TTC7B: variants seen among roughly 807,000 people sequenced by gnomAD.
TTC7B encodes tetratricopeptide repeat protein 7B.
TTC7B carries 28 observed loss-of-function variants against 106.8 expected under a neutral mutation model. The ratio of observed to expected loss-of-function variants is 0.26; its 90% CI spans 0.19 to 0.36. TTC7B has a LOEUF of 0.36. TTC7B is among the 10% of genes least tolerant of loss of function. TTC7B has a pLI of 1.00. For missense variants in TTC7B, 862 were observed against 1,076.4 expected (o/e 0.80, Z 2.79); for synonymous variants, 405 against 430.6 (o/e 0.94, Z 0.74).
At chr14:90,664,423 C>T (rs571011954) in intron 9 of TTC7B, among the ~76,000 whole-genome samples, 1 of 152,092 alleles carries the variant, frequency 6.6e-6, no homozygotes, top group South Asian at 2.1e-4. Context: ...GTGCCCGCCA[C>T]CAGGCCCAGC....
At chr14:90,791,711 G>T (rs931198449) in intron 1 of TTC7B, among the ~76,000 whole-genome samples, 4 of 152,076 alleles carry the variant, frequency 2.6e-5, no homozygotes, top group African/African-American at 9.7e-5. Context: ...GACCTTGGCA[G>T]TGCTGATGGA....
intron 5 of TTC7B, among the ~76,000 whole-genome samples, chr14:90,709,384 T>A (rs796855573): frequency 7.3e-5 from 11 of 150,506 alleles, no homozygotes; most frequent in Admixed American, 1.3e-4. Flanking sequence ...ATGTCCTTTG[T>A]AGGGACATGG....
chr14:90,774,452 A>G (rs574535749), intron 3 of TTC7B, among the ~76,000 whole-genome samples: 114 of 152,362 alleles, frequency 7.5e-4, no homozygotes, highest in Admixed American at 2.0e-3. Context: ...ACCCCTCTGC[A>G]TATGCCTAAG....
chr14:90,588,138 G>A (rs750056461), intron 18 of TTC7B, among the ~76,000 whole-genome samples: 2 of 152,128 alleles, frequency 1.3e-5, no homozygotes, highest in East Asian at 1.9e-4. Context: ...TCTTCATCTC[G>A]TCACGAATGG....
At chr14:90,561,632 C>A (rs970246239) in intron 19 of TTC7B, among the ~76,000 whole-genome samples, 1 of 152,196 alleles carries the variant, frequency 6.6e-6, no homozygotes, top group Non-Finnish European at 1.5e-5. Flanking sequence ...CCCAGAGAAT[C>A]GACATGACTT....
At chr14:90,713,654 T>G (rs1016252861) in intron 5 of TTC7B, among the ~76,000 whole-genome samples, 3 of 152,062 alleles carry the variant, frequency 2.0e-5, no homozygotes, top group Non-Finnish European at 4.4e-5. Context: ...AAACACAAAC[T>G]TACCATATGA....
At chr14:90,799,100 C>T (rs1276344651) in intron 1 of TTC7B, among the ~76,000 whole-genome samples, 1 of 152,164 alleles carries the variant, frequency 6.6e-6, no homozygotes, top group Non-Finnish European at 1.5e-5. Context: ...CTCCCACTCT[C>T]CCTGGGCCTC....
At chr14:90,612,864 T>A (rs1892929807) in intron 16 of TTC7B, among the ~76,000 whole-genome samples, 1 of 152,182 alleles carries the variant, frequency 6.6e-6, no homozygotes, top group African/African-American at 2.4e-5. Context: ...GGTGCAATTG[T>A]AGGAGGTATG....
In TTC7B at chr14:90,534,937, C is replaced by CG. The variant is rs1889381125; in HGVS notation, c.*6430dup. The CG allele has an allele frequency of 6.6e-6, 1 of 152,418 alleles. No individual in the cohort carries two copies. Among genetic ancestry groups the CG allele is most frequent in the Non-Finnish European group, 1.5e-5 (1 of 68,284 alleles). 9.4% of individuals were successfully genotyped at this position (152,418 alleles called of 1,614,324 possible). A position where few individuals can be genotyped will look rare whatever the true frequency, so the allele number is the denominator to read the frequency against. On this transcript the variant is annotated 3_prime_UTR_variant, in exon 20 of 20. Transcript: ENST00000328459. ...CCCGCAATGATGACTGTGTGGCCGCCGGGGAGATGCGTGGGGCCATCTGGA... is the reference window on the plus strand; with the variant it reads ...CCCGCAATGATGACTGTGTGGCCGCCGGGGGAGATGCGTGGGGCCATCTGGA...
At position 90,815,255 on chromosome 14, in the gene TTC7B, A is replaced by C. The variant is rs370578814; in HGVS notation, c.121+920T>G. 8.5e-5 allele frequency among the ~76,000 whole-genome samples: 13 copies of C among 152,270 alleles called. No individual in the cohort carries two copies. The East Asian group carries it at 2.1e-3, about 25-fold the overall frequency. ...TAGGCGGGTACTAAAAGACAAGCAA[A>C]TATTAAAGATACTCGCTTCCAAAAC... On this transcript the variant is annotated intron_variant, in intron 1 of 19. Transcript: ENST00000328459.
At chr14:90,725,053 G>T (rs964323086) in intron 5 of TTC7B, among the ~76,000 whole-genome samples, 2 of 152,142 alleles carry the variant, frequency 1.3e-5, no homozygotes, top group African/African-American at 4.8e-5. Flanking sequence ...CTTGAAGAGG[G>T]TTGCATACAA....
intron 9 of TTC7B, among the ~76,000 whole-genome samples, chr14:90,666,340 T>C (rs1886409610): frequency 6.6e-6 from 1 of 152,318 alleles, no homozygotes; most frequent in South Asian, 2.1e-4. Context: ...TTTGTATTTT[T>C]AGTAGAGACA....
At chr14:90,712,897 G>A (rs1013231227) in intron 5 of TTC7B, among the ~76,000 whole-genome samples, 11 of 152,184 alleles carry the variant, frequency 7.2e-5, no homozygotes, top group African/African-American at 2.4e-4. Flanking sequence ...ATTCAAGACA[G>A]TGTGGTATTG....
At chr14:90,601,665 G>T (rs1034244323) in intron 17 of TTC7B, among the ~76,000 whole-genome samples, 1 of 152,112 alleles carries the variant, frequency 6.6e-6, no homozygotes, top group African/African-American at 2.4e-5. Flanking sequence ...GAGCGCCCCG[G>T]GTCCTCTAAG....
intron 9 of TTC7B, among the ~76,000 whole-genome samples, chr14:90,662,087 C>T (rs1006524278): frequency 5.9e-5 from 9 of 152,208 alleles, no homozygotes; most frequent in African/African-American, 1.9e-4. Context: ...AAGGAGAGGG[C>T]CCTTGTCATT....
At chr14:90,795,932 T>C (rs1051950153) in intron 1 of TTC7B, among the ~76,000 whole-genome samples, 1 of 152,110 alleles carries the variant, frequency 6.6e-6, no homozygotes, top group African/African-American at 2.4e-5. Flanking sequence ...CTGGAAACAA[T>C]ACTAGGATGC....
rs1290652526 is a variant in TTC7B at position 90,689,679 on chromosome 14, G to A, written c.811C>T (p.Arg271Trp). 6.2e-6 allele frequency: 10 copies of A among 1,613,910 alleles called. No individual in the cohort carries two copies. Among genetic ancestry groups the A allele is most frequent in the Admixed American group, 1.7e-5 (1 of 59,960 alleles). Reference sequence around the variant, plus strand: ...CAGTAGCTCTGCTCACACATACCCCGCAACAAGATCTCTGCCAGCTGCCTG... The same window carrying A: ...CAGTAGCTCTGCTCACACATACCCCACAACAAGATCTCTGCCAGCTGCCTG... ...IARQLAEILL[R>W]GMCEQSYWNP... is the part of the protein sequence containing the mutation. Residue 271 changes from arginine (R) to tryptophan (W), a missense_variant, in exon 7 of 20, where the codon CGG becomes TGG. Coordinates refer to ENST00000328459, the MANE Select transcript of TTC7B (RefSeq NM_001010854.2).
chr14:90,731,752 G>A (rs1325273547), intron 4 of TTC7B, among the ~76,000 whole-genome samples: 1 of 152,086 alleles, frequency 6.6e-6, no homozygotes, highest in Non-Finnish European at 1.5e-5. Flanking sequence ...TCTCTCTTAG[G>A]TCTCTTGAGA....
At chr14:90,685,440 T>C (rs1331068783) in intron 7 of TTC7B, among the ~76,000 whole-genome samples, 2 of 152,172 alleles carry the variant, frequency 1.3e-5, no homozygotes, top group Non-Finnish European at 2.9e-5. Flanking sequence ...AGTAGAGCTC[T>C]GAACCCACAA....
Sources: allele counts gnomAD v4.1 joint callset (sites outside exome capture counted in the v4.1 genomes callset), GRCh38; gene constraint gnomAD v4.1.1; transcripts MANE v1.5; gene names NCBI Gene and HGNC (gene_info 2026-07-23, HGNC 2026-07-21).